Variants in MALRD1 observed in about 807,000 individuals in gnomAD.
MALRD1 encodes MAM and LDL-receptor class A domain-containing protein 1.
MALRD1 carries 247 observed loss-of-function variants against 242.1 expected under a neutral mutation model. That is an observed-to-expected ratio of 1.02 (90% CI 0.92 to 1.13). The LOEUF (loss-of-function observed/expected upper bound fraction) is 1.13. Among genes scored for constraint, MALRD1 ranks in the 50% most tolerant of loss-of-function variants. MALRD1 has a pLI of 0.00. For missense variants in MALRD1, 2,989 were observed against 2,533.1 expected, an observed-to-expected ratio of 1.18 and a Z score of -3.86; for synonymous variants, 995 against 866.6, an observed-to-expected ratio of 1.15 and a Z score of -2.60.
At chr10:19,387,120 A>G (rs1466911228) in intron 26 of MALRD1, among the ~76,000 whole-genome samples, 3 of 152,150 alleles carry the variant, frequency 2.0e-5, no homozygotes, top group African/African-American at 7.2e-5. Context: ...AATGGAATGT[A>G]TTTCCAAATG....
chr10:19,113,193 C>G (rs566233187), intron 5 of MALRD1, among the ~76,000 whole-genome samples: 1 of 152,116 alleles, frequency 6.6e-6, no homozygotes, highest in South Asian at 2.1e-4. Context: ...GTCTCCACTT[C>G]TCATAAATCC....
chr10:19,243,356 C>T (rs560767981), intron 18 of MALRD1, among the ~76,000 whole-genome samples: 11 of 152,090 alleles, frequency 7.2e-5, no homozygotes, highest in Middle Eastern at 3.4e-3. Flanking sequence ...AAACTGGTGT[C>T]GGTGTATTTA....
At chr10:19,160,221 A>G (rs902504811) in intron 12 of MALRD1, among the ~76,000 whole-genome samples, 2 of 151,708 alleles carry the variant, frequency 1.3e-5, no homozygotes, top group African/African-American at 2.4e-5. Flanking sequence ...TGAGATAATC[A>G]TGTGGTTTTT....
intron 29 of MALRD1, among the ~76,000 whole-genome samples, chr10:19,487,465 T>G (rs777653057): frequency 6.6e-6 from 1 of 151,926 alleles, no homozygotes; most frequent in Admixed American, 6.6e-5. Context: ...GGCTTTGCTA[T>G]TCTATATTTT....
intron 19 of MALRD1, among the ~76,000 whole-genome samples, chr10:19,274,460 T>C (rs1308921851): frequency 6.6e-6 from 1 of 152,158 alleles, no homozygotes; most frequent in Non-Finnish European, 1.5e-5. Flanking sequence ...AATGCCTTTA[T>C]AAAAAGACAG....
intron 33 of MALRD1, among the ~76,000 whole-genome samples, chr10:19,590,719 G>T (rs1185923137): frequency 6.6e-6 from 1 of 152,090 alleles, no homozygotes. Context: ...GTGTGTCTGT[G>T]TGTGTGTATG....
intron 18 of MALRD1, among the ~76,000 whole-genome samples, chr10:19,256,976 A>T (rs1338704726): frequency 1.3e-5 from 2 of 152,264 alleles, no homozygotes; most frequent in East Asian, 3.9e-4. Flanking sequence ...GTATTAAAAT[A>T]ATTCATCATG....
intron 36 of MALRD1, among the ~76,000 whole-genome samples, chr10:19,652,398 G>A (rs1253579203): frequency 6.6e-6 from 1 of 152,224 alleles, no homozygotes; most frequent in African/African-American, 2.4e-5. Context: ...GCTCGAGTAT[G>A]TGGCCCATAT....
chr10:19,701,020 G>A (rs924248822), intron 38 of MALRD1, among the ~76,000 whole-genome samples: 15 of 152,126 alleles, frequency 9.9e-5, no homozygotes, highest in African/African-American at 3.4e-4. Context: ...ATGGTGGTAC[G>A]TGCCTGTAGT....
intron 29 of MALRD1, among the ~76,000 whole-genome samples, chr10:19,468,169 A>G (rs1319635427): frequency 6.6e-6 from 1 of 152,152 alleles, no homozygotes; most frequent in Non-Finnish European, 1.5e-5. Context: ...TTAGTTGTTT[A>G]TTCCTTAATG....
At chr10:19,317,012 A>G (rs886502011) in intron 21 of MALRD1, among the ~76,000 whole-genome samples, 2 of 151,314 alleles carry the variant, frequency 1.3e-5, no homozygotes, top group Admixed American at 6.7e-5. Context: ...GTACCAAAAT[A>G]TCTCATGTGC....
chr10:19,588,996 T>G (rs527993047), intron 33 of MALRD1, among the ~76,000 whole-genome samples: 40 of 152,220 alleles, frequency 2.6e-4, no homozygotes, highest in Non-Finnish European at 5.1e-4. Context: ...AGCTGATGTT[T>G]ATGTGCTTGT....
intron 21 of MALRD1, among the ~76,000 whole-genome samples, chr10:19,292,098 A>T (rs1049045989): frequency 1.3e-5 from 2 of 151,806 alleles, no homozygotes; most frequent in African/African-American, 4.8e-5. Context: ...AAAAAAAAAA[A>T]AAAATCAAAT....
At chr10:19,067,432 C>T (rs1835014518) in intron 2 of MALRD1, among the ~76,000 whole-genome samples, 1 of 152,046 alleles carries the variant, frequency 6.6e-6, no homozygotes, top group Admixed American at 6.6e-5. Flanking sequence ...CCATGCCTGC[C>T]CTCATCTGAT....
chr10:19,370,440 T>G (rs1845323544), intron 26 of MALRD1, among the ~76,000 whole-genome samples: 2 of 151,718 alleles, frequency 1.3e-5, no homozygotes, highest in Admixed American at 1.3e-4. Context: ...TTGTCTATAT[T>G]TTTAAAAAAA....
chr10:19,103,318 T>C (rs1836335606), intron 4 of MALRD1, among the ~76,000 whole-genome samples: 1 of 151,664 alleles, frequency 6.6e-6, no homozygotes, highest in Admixed American at 6.6e-5. Flanking sequence ...TCCCAACACT[T>C]TGGGAGGCCG....
At chr10:19,300,138 G>A (rs189970845) in intron 21 of MALRD1, among the ~76,000 whole-genome samples, 1 of 151,938 alleles carries the variant, frequency 6.6e-6, no homozygotes, top group Admixed American at 6.6e-5. Flanking sequence ...AAATGAACAA[G>A]ATACCTAGGG....
intron 2 of MALRD1, among the ~76,000 whole-genome samples, chr10:19,084,287 G>A (rs866470002): frequency 1.3e-5 from 2 of 151,800 alleles, no homozygotes; most frequent in Non-Finnish European, 1.5e-5. Context: ...ACTACTATTT[G>A]CTCTCTATTA....
At chr10:19,425,210 A>G (rs950167196) in intron 28 of MALRD1, among the ~76,000 whole-genome samples, 2 of 152,178 alleles carry the variant, frequency 1.3e-5, no homozygotes, top group East Asian at 3.8e-4. Flanking sequence ...CCTTTTTATT[A>G]GGCTTTAAAA....
Sources: allele counts gnomAD v4.1 joint callset (sites outside exome capture counted in the v4.1 genomes callset), GRCh38; gene constraint gnomAD v4.1.1; transcripts MANE v1.5; gene names NCBI Gene and HGNC (gene_info 2026-07-23, HGNC 2026-07-21).